The following MACF1 variants were observed in gnomAD, a reference collection of about 807,000 sequenced individuals.
The protein encoded by MACF1 is microtubule-actin cross-linking factor 1.
Under a neutral mutation model 854.8 loss-of-function variants are expected in MACF1, and 193 were observed. That is an observed-to-expected ratio of 0.23 (90% CI 0.20 to 0.25). The LOEUF (loss-of-function observed/expected upper bound fraction) is 0.25, where lower values mean the gene tolerates loss of function less well. MACF1 is among the 10% of genes least tolerant of loss of function. MACF1 has a pLI of 1.00. For synonymous variants in MACF1, 3,185 were observed against 3,226.7 expected (o/e 0.99, Z 0.44); for missense variants, 7,722 against 8,929.1 (o/e 0.86, Z 5.45).
intron 14 of MACF1, among the ~76,000 whole-genome samples, chr1:39,286,509 C>T (rs1645647208): frequency 6.6e-6 from 1 of 151,602 alleles, no homozygotes; most frequent in African/African-American, 2.4e-5. Context: ...CTCTGTAGCC[C>T]AGGATGGAGT....
intron 52 of MACF1, 124 bp downstream of exon 52, chr1:39,372,720 A>G: frequency 1.4e-6 from 1 of 715,532 alleles, no homozygotes; most frequent in Non-Finnish European, 2.5e-6. Context: ...GGGCATGCCC[A>G]AAGCAGTCTT....
At chr1:39,441,173 G>A in intron 73 of MACF1, 48 bp downstream of exon 73, 1 of 1,614,108 alleles carries the variant, frequency 6.2e-7, no homozygotes, top group Non-Finnish European at 8.5e-7. Context: ...AGTGGGCCCA[G>A]ACTGAAGAGT....
intron 2 of MACF1, among the ~76,000 whole-genome samples, chr1:39,119,987 G>A (rs896315689): frequency 1.4e-5 from 2 of 144,968 alleles, no homozygotes; most frequent in African/African-American, 5.1e-5. Context: ...AGGTTCAAGC[G>A]ATTCTACTGC....
chr1:39,129,734 G>A (rs577920018), intron 2 of MACF1, among the ~76,000 whole-genome samples: 2 of 152,198 alleles, frequency 1.3e-5, no homozygotes, highest in Non-Finnish European at 1.5e-5. Flanking sequence ...AACTCCTTTT[G>A]CCCCATCTTA....
At chr1:39,468,458 C>A in intron 95 of MACF1, 157 bp from the exon 96 acceptor site, 1 of 583,088 alleles carries the variant, frequency 1.7e-6, no homozygotes, top group Non-Finnish European at 3.0e-6. Flanking sequence ...TTTTAAAATC[C>A]TTTTGTGAAA....
In MACF1 at chr1:39,375,929, G is replaced by T. The variant is rs373251388; in HGVS notation, c.13214-2532G>T. Among the ~76,000 whole-genome samples, 5 of 151,692 alleles carry T rather than the reference G, an allele frequency of 3.3e-5. No homozygotes were observed. The East Asian group carries it at 5.8e-4, about 18-fold the overall frequency. ...CTGCCACAATGAGAACTGTGTAGAT[G>T]TACAGAGAGCAAGTCGTGTTATATT... On this transcript the variant is annotated intron_variant, in intron 52 of 100. Coordinates refer to ENST00000564288, the MANE Select transcript of MACF1 (RefSeq NM_001394062.1).
Position 39,428,102 on chromosome 1 carries a change from G to A in MACF1, c.16618G>A (p.Glu5540Lys). The A allele has an allele frequency of 6.2e-7, 1 of 1,614,174 alleles. No homozygotes were observed. Residue 5540 changes from glutamate (E) to lysine (K), a missense_variant, in exon 63 of 101, where the codon GAA (glutamate) becomes AAA (lysine). Coordinates refer to ENST00000564288, the MANE Select transcript of MACF1 (RefSeq NM_001394062.1). ...AGACTCATTGCAGGCCCGATACAGT[G>A]AAATTCAAGACCGCTGTTGTCGGAA... ...KIDSLQARYS[E>K]IQDRCCRKAA...
At chr1:39,125,588 C>G (rs1557469347) in intron 2 of MACF1, among the ~76,000 whole-genome samples, 2 of 152,114 alleles carry the variant, frequency 1.3e-5, no homozygotes, top group Non-Finnish European at 2.9e-5. Context: ...TCCTTATGTC[C>G]TTTTCTGTAA....
At chr1:39,319,430 C>T (rs1646471911) in intron 30 of MACF1, among the ~76,000 whole-genome samples, 1 of 152,074 alleles carries the variant, frequency 6.6e-6, no homozygotes, top group South Asian at 2.1e-4. Flanking sequence ...GTTAAGAAAG[C>T]GAGAACTTGT....
chr1:39,307,274 CTTT>C (rs61669778), intron 23 of MACF1, among the ~76,000 whole-genome samples: 1 of 147,264 alleles, frequency 6.8e-6, no homozygotes, highest in Non-Finnish European at 1.5e-5. Flanking sequence ...CATTCTTTCT[CTTT>C]TTTTTTTTTT....
At chr1:39,392,206 C>G (rs1455286501) in intron 58 of MACF1, among the ~76,000 whole-genome samples, 1 of 152,120 alleles carries the variant, frequency 6.6e-6, no homozygotes, top group East Asian at 1.9e-4. Flanking sequence ...TGAACTCATG[C>G]TGAGCTCATC....
chr1:39,321,750 A>C (rs1344938723), intron 31 of MACF1, among the ~76,000 whole-genome samples: 1 of 152,208 alleles, frequency 6.6e-6, no homozygotes, highest in Non-Finnish European at 1.5e-5. Flanking sequence ...GAAATGTAGA[A>C]TCTCAGACCT....
intron 58 of MACF1, among the ~76,000 whole-genome samples, chr1:39,399,470 G>A (rs1642396115): frequency 1.4e-5 from 2 of 147,686 alleles, no homozygotes; most frequent in South Asian, 2.1e-4. Flanking sequence ...TGACTCCCAG[G>A]TTCAAGCGAT....
rs141234977 is a variant in MACF1, at chr1:39,361,600, A to G, written c.12694A>G (p.Met4232Val). ...CCTCTCTGGTAAGCTGCAGCAGTTCATGGAAAACAAAAGTCGGATGCTGGC... is the reference window on the plus strand; with the variant it reads ...CCTCTCTGGTAAGCTGCAGCAGTTCGTGGAAAACAAAAGTCGGATGCTGGC... ...EHLSGKLQQF[M>V]ENKSRMLASG... The change falls in exon 49 of 101, where the codon ATG becomes GTG. Residue 4232 changes from methionine to valine, a missense_variant. Physicochemically the swap from Met to Val is conservative, Grantham distance 21 (BLOSUM62 1). Around this residue, in one of 15 missense-constraint regions of MACF1, gnomAD observed 2,807 missense variants for 3,235.8 expected, o/e 0.87. Coordinates refer to ENST00000564288, the MANE Select transcript of MACF1 (RefSeq NM_001394062.1). 58 of 1,614,234 alleles carry G rather than the reference A, an allele frequency of 3.6e-5. No homozygotes were observed. In the African/African-American group the frequency reaches 7.5e-4, roughly 21 times the overall value.
At position 39,452,259 on chromosome 1, in the gene MACF1, A is replaced by C. The variant is rs755294085; in HGVS notation, c.20522A>C (p.Lys6841Thr). Reference sequence around the variant, plus strand: ...AGTCGAGATGACACCACTTGGGTAAAAGGACAGCTCCAGGAACTGAGCACT... The same window carrying C: ...AGTCGAGATGACACCACTTGGGTAACAGGACAGCTCCAGGAACTGAGCACT... ...ENSRDDTTWV[K>T]GQLQELSTRW... The change falls in exon 86 of 101, where the codon AAA becomes ACA. Residue 6841 changes from lysine (K) to threonine (T), a missense_variant. This residue lies in a region of MACF1 where 729 missense variants were observed against 900.5 expected (regional missense o/e 0.81). Coordinates refer to ENST00000564288, the MANE Select transcript of MACF1 (RefSeq NM_001394062.1). The C allele has an allele frequency of 5.6e-6, 9 of 1,614,092 alleles. No homozygotes were observed. Among genetic ancestry groups the C allele is most frequent in the Non-Finnish European group, 6.8e-6 (8 of 1,180,044 alleles).
At chr1:39,299,153 C>G (rs952458250) in intron 21 of MACF1, 2 of 450,946 alleles carry the variant, frequency 4.4e-6, no homozygotes, top group Non-Finnish European at 8.9e-6. Context: ...GACCAGCTCT[C>G]AAGTATGGAA....
At chr1:39,434,386 C>CTTTTT (rs71798934) in intron 68 of MACF1, 28 bp from the exon 69 acceptor site, 7 of 987,046 alleles carry the variant, frequency 7.1e-6, no homozygotes, top group African/African-American at 1.8e-5. Flanking sequence ...AATACTTATC[C>CTTTTT]TTTTTTTTTT....
At chr1:39,226,757 A>G (rs1395942068) in intron 1 of MACF1, among the ~76,000 whole-genome samples, 2 of 152,232 alleles carry the variant, frequency 1.3e-5, no homozygotes, top group Admixed American at 6.5e-5. Context: ...TTACTAGTTT[A>G]AAAGAAAATC....
intron 94 of MACF1, chr1:39,464,290 T>C (rs1644616634): frequency 6.5e-6 from 1 of 152,746 alleles, no homozygotes; most frequent in Non-Finnish European, 1.5e-5. Context: ...CAACAGCTCG[T>C]CAAGATTCTC....
Sources: allele counts gnomAD v4.1 joint callset (sites outside exome capture counted in the v4.1 genomes callset), GRCh38; gene constraint gnomAD v4.1.1; regional missense constraint gnomAD v4.1.1; transcripts MANE v1.5; gene names NCBI Gene and HGNC (gene_info 2026-07-23, HGNC 2026-07-21).